The following NAP1L1 variants were observed in gnomAD, a reference collection of about 807,000 sequenced individuals.
NAP1L1 encodes nucleosome assembly protein 1-like 1.
In NAP1L1, 9 loss-of-function variants were observed where a neutral mutation model predicts 58.9. That is an observed-to-expected ratio of 0.15 (90% CI 0.09 to 0.27). The LOEUF (loss-of-function observed/expected upper bound fraction) is 0.27, where lower values mean the gene tolerates loss of function less well. Among genes scored for constraint, NAP1L1 ranks in the 10% least tolerant of loss-of-function variants. The pLI is 1.00. For missense variants in NAP1L1, 302 were observed against 458.8 expected (o/e 0.66, Z 3.12); for synonymous variants, 130 against 138.3 (o/e 0.94, Z 0.42).
At chr12:76,083,116 C>T (rs1426857999) in intron 1 of NAP1L1, among the ~76,000 whole-genome samples, 4 of 152,096 alleles carry the variant, frequency 2.6e-5, no homozygotes, top group Non-Finnish European at 5.9e-5. Flanking sequence ...TCTAGCCTTC[C>T]CAGATGGGAC....
intron 11 of NAP1L1, among the ~76,000 whole-genome samples, chr12:76,052,138 A>C (rs1948869313): frequency 1.3e-5 from 2 of 152,244 alleles, no homozygotes; most frequent in African/African-American, 4.8e-5. Flanking sequence ...TTGAGTCAAC[A>C]ACATAATCTA....
intron 1 of NAP1L1, among the ~76,000 whole-genome samples, chr12:76,080,676 CA>C (rs1209733548): frequency 1.3e-5 from 2 of 152,180 alleles, no homozygotes; most frequent in Non-Finnish European, 2.9e-5. Flanking sequence ...AACTGCTATA[CA>C]GCTTTTCCCT....
At chr12:76,074,055 G>C (rs546929772) in intron 2 of NAP1L1, 148 bp downstream of exon 2, 4 of 665,318 alleles carry the variant, frequency 6.0e-6, no homozygotes, top group African/African-American at 3.8e-5. Context: ...ATTTTACCTT[G>C]AATACACTGC....
At chr12:76,079,227 T>TGC (rs1950307988) in intron 1 of NAP1L1, among the ~76,000 whole-genome samples, 1 of 152,080 alleles carries the variant, frequency 6.6e-6, no homozygotes, top group Admixed American at 6.5e-5. Context: ...CAAAACATCT[T>TGC]TTAAGAATGA....
intron 6 of NAP1L1, chr12:76,056,670 A>G (rs1949107001): frequency 4.4e-6 from 2 of 451,812 alleles, no homozygotes; most frequent in African/African-American, 2.0e-5. Flanking sequence ...AACAATCCTC[A>G]GCCTACCATG....
chr12:76,048,494 T>C, intron 14 of NAP1L1, 30 bp from the exon 15 acceptor site: 9 of 1,612,520 alleles, frequency 5.6e-6, no homozygotes, highest in Non-Finnish European at 7.6e-6. Context: ...AGTCAATCTA[T>C]CTTCTTCTAC....
chr12:76,074,985 A>G (rs1345236931), intron 1 of NAP1L1, among the ~76,000 whole-genome samples: 1 of 152,228 alleles, frequency 6.6e-6, no homozygotes, highest in African/African-American at 2.4e-5. Context: ...TCACCAGAGG[A>G]TATCCTAAGT....
At chr12:76,053,434 T>A in intron 9 of NAP1L1, 84 bp from the exon 10 acceptor site, 1 of 1,479,378 alleles carries the variant, frequency 6.8e-7, no homozygotes, top group Non-Finnish European at 9.1e-7. Flanking sequence ...CTATTTAGAT[T>A]TCAAATTTTA....
intron 1 of NAP1L1, among the ~76,000 whole-genome samples, 189 bp downstream of exon 1, chr12:76,084,378 C>T (rs1387711673): frequency 6.6e-6 from 1 of 152,144 alleles, no homozygotes; most frequent in African/African-American, 2.4e-5. Flanking sequence ...GGCCCCGGGG[C>T]CCCTCTCAGG....
rs2137059570 is a variant in NAP1L1 at position 76,069,072 on chromosome 12, T to C, written c.18-78A>G. On this transcript the variant is annotated intron_variant, in intron 2 of 14. Coordinates refer to ENST00000618691, the MANE Select transcript of NAP1L1 (RefSeq NM_004537.7). Reference sequence around the variant, plus strand: ...AGTTACAGAAAAACTTAAAATTCATTTTCAAAATTAGTATCTCTTTCAAAG... The same window carrying C: ...AGTTACAGAAAAACTTAAAATTCATCTTCAAAATTAGTATCTCTTTCAAAG... The C allele has an allele frequency of 3.9e-6, 4 of 1,031,306 alleles. No homozygotes were observed. In the Middle Eastern group the frequency reaches 8.5e-4, roughly 219 times the overall value. 63.9% of individuals were successfully genotyped at this position (1,031,306 alleles called of 1,614,324 possible).
chr12:76,073,157 T>A (rs781041215), intron 2 of NAP1L1, among the ~76,000 whole-genome samples: 1 of 150,392 alleles, frequency 6.6e-6, no homozygotes, highest in East Asian at 1.9e-4. Context: ...CACTCATCTG[T>A]TTTTTTTTAA....
At chr12:76,080,161 G>T (rs1175888577) in intron 1 of NAP1L1, among the ~76,000 whole-genome samples, 2 of 152,166 alleles carry the variant, frequency 1.3e-5, no homozygotes, top group African/African-American at 4.8e-5. Flanking sequence ...ATACAACAGT[G>T]ATCCCACAAG....
At chr12:76,060,423 C>T in intron 4 of NAP1L1, 144 bp from the exon 5 acceptor site, 2 of 757,122 alleles carry the variant, frequency 2.6e-6, no homozygotes, top group Admixed American at 2.7e-5. Context: ...AAATAAAAAT[C>T]AAATAGATAT....
At position 76,045,919 on chromosome 12, in the gene NAP1L1, C is replaced by T. The variant is rs779277748; in HGVS notation, c.*2510G>A. On this transcript the variant is annotated 3_prime_UTR_variant, in exon 15 of 15. Coordinates refer to ENST00000618691, the MANE Select transcript of NAP1L1 (RefSeq NM_004537.7). ...CTACAATCAGAGTGTAAAGACAAAT[C>T]TCAAAAATGTTTGTAGATAACTCAG... is the stretch of plus-strand genomic sequence containing the variant. 6.6e-6 allele frequency: 1 copy of T among 151,950 alleles called. No homozygotes were observed. The highest frequency in any genetic ancestry group is 1.5e-5 in the Non-Finnish European group (1 of 67,886). 9.4% of individuals were successfully genotyped at this position (151,950 alleles called of 1,614,324 possible). A position where few individuals can be genotyped will look rare whatever the true frequency, so the allele number is the denominator to read the frequency against.
At chr12:76,060,626 T>C (rs1038303203) in intron 4 of NAP1L1, among the ~76,000 whole-genome samples, 3 of 152,136 alleles carry the variant, frequency 2.0e-5, no homozygotes, top group Non-Finnish European at 2.9e-5. Context: ...TTTACATATA[T>C]CTCACCCATA....
chr12:76,076,119 G>C (rs951889974), intron 1 of NAP1L1, among the ~76,000 whole-genome samples: 1 of 152,100 alleles, frequency 6.6e-6, no homozygotes, highest in South Asian at 2.1e-4. Flanking sequence ...CACCTAGAAG[G>C]TTCTTCCACA....
chr12:76,049,811 G>A (rs1251824182), intron 12 of NAP1L1, 26 bp from the exon 13 acceptor site: 2 of 1,611,584 alleles, frequency 1.2e-6, no homozygotes, highest in African/African-American at 1.3e-5. Context: ...AGCGTTAAGT[G>A]TTGAGTGAAT....
intron 4 of NAP1L1, among the ~76,000 whole-genome samples, chr12:76,063,881 T>TAAAAAAAAAA (rs10693123): frequency 7.3e-6 from 1 of 137,498 alleles, no homozygotes; most frequent in Admixed American, 7.3e-5. Context: ...GTTAAAAGTT[T>TAAAAAAAAAA]AAAAAAAAAA....
At chr12:76,078,474 A>C (rs775759627) in intron 1 of NAP1L1, among the ~76,000 whole-genome samples, 1 of 152,212 alleles carries the variant, frequency 6.6e-6, no homozygotes, top group Non-Finnish European at 1.5e-5. Context: ...GGAAAAACAG[A>C]AAATATAACA....
Sources: gnomAD v4.1 joint callset for allele counts (sites outside exome capture counted in the v4.1 genomes callset) on GRCh38, gnomAD v4.1.1 for gene constraint, MANE v1.5 for transcripts, NCBI Gene and HGNC (gene_info 2026-07-23, HGNC 2026-07-21) for gene names.